PLCB1: variants seen among roughly 807,000 people sequenced by gnomAD.
PLCB1 encodes phospholipase C beta 1.
In PLCB1, 46 loss-of-function variants were observed where a neutral mutation model predicts 161.8. That is an observed-to-expected ratio of 0.28 (90% CI 0.22 to 0.36). The LOEUF (loss-of-function observed/expected upper bound fraction) is 0.36. Ranked by LOEUF, PLCB1 falls within the 10% of genes least tolerant of loss-of-function variation. The probability of loss-of-function intolerance (pLI) is 1.00; values close to 1 mark genes in which losing one functional copy is unlikely to be tolerated. For synonymous variants in PLCB1, 517 were observed against 503.7 expected, an observed-to-expected ratio of 1.03 and a Z score of -0.35; for missense variants, 1,016 against 1,472.5, an observed-to-expected ratio of 0.69 and a Z score of 5.07.
At chr20:8,458,910 C>T (rs1167764688) in intron 3 of PLCB1, among the ~76,000 whole-genome samples, 1 of 152,180 alleles carries the variant, frequency 6.6e-6, no homozygotes, top group Non-Finnish European at 1.5e-5. Flanking sequence ...ATGGTGTCTA[C>T]ACTTTGAAAT....
intron 3 of PLCB1, among the ~76,000 whole-genome samples, chr20:8,532,218 G>A (rs1363083018): frequency 2.0e-5 from 3 of 152,140 alleles, no homozygotes; most frequent in African/African-American, 7.2e-5. Flanking sequence ...TTTAAACTGG[G>A]AACGTATTAG....
intron 3 of PLCB1, among the ~76,000 whole-genome samples, chr20:8,449,297 A>T (rs1321807478): frequency 1.3e-5 from 2 of 152,202 alleles, no homozygotes; most frequent in Non-Finnish European, 2.9e-5. Context: ...AGCTGACACT[A>T]AACACTCTTG....
At chr20:8,205,754 A>G (rs1978493484) in intron 2 of PLCB1, among the ~76,000 whole-genome samples, 1 of 152,148 alleles carries the variant, frequency 6.6e-6, no homozygotes, top group African/African-American at 2.4e-5. Context: ...ATTTACAGGT[A>G]TAATTATATG....
chr20:8,664,685 G>A (rs1302460643), intron 9 of PLCB1, among the ~76,000 whole-genome samples: 1 of 152,124 alleles, frequency 6.6e-6, no homozygotes, highest in East Asian at 1.9e-4. Flanking sequence ...AAGTCAAGGT[G>A]TTAATGGTTT....
intron 3 of PLCB1, among the ~76,000 whole-genome samples, chr20:8,601,291 G>C (rs117623171): frequency 0.018 from 2,707 of 152,270 alleles, 225 homozygotes; most frequent in Admixed American, 0.15. Flanking sequence ...TGTCATGGGG[G>C]TTTGTTAATA....
chr20:8,645,318 A>AT (rs1297856123), intron 4 of PLCB1, among the ~76,000 whole-genome samples: 3 of 145,448 alleles, frequency 2.1e-5, no homozygotes, highest in Non-Finnish European at 4.5e-5. Context: ...AAAAAATAAA[A>AT]AAAATAAAGA....
chr20:8,373,488 A>T (rs921117361), intron 3 of PLCB1, among the ~76,000 whole-genome samples: 6 of 152,196 alleles, frequency 3.9e-5, no homozygotes, highest in Non-Finnish European at 5.9e-5. Context: ...TGCTCATGGA[A>T]TTACCTGGGA....
At chr20:8,627,389 T>C (rs930402140) in intron 3 of PLCB1, among the ~76,000 whole-genome samples, 1 of 151,370 alleles carries the variant, frequency 6.6e-6, no homozygotes, top group Non-Finnish European at 1.5e-5. Context: ...CAAAAAGAGG[T>C]CAGAATAGCC....
chr20:8,817,289 G>A (rs1985126722), intron 31 of PLCB1, among the ~76,000 whole-genome samples: 1 of 152,184 alleles, frequency 6.6e-6, no homozygotes, highest in Non-Finnish European at 1.5e-5. Context: ...CCAGAGAGGT[G>A]AGCAGAGCAT....
chr20:8,711,495 A>G (rs938193329), intron 12 of PLCB1, among the ~76,000 whole-genome samples: 2 of 152,172 alleles, frequency 1.3e-5, no homozygotes, highest in African/African-American at 2.4e-5. Context: ...AATAATTTCT[A>G]TGTGACAAAA....
chr20:8,351,596 A>C (rs940717308), intron 2 of PLCB1, among the ~76,000 whole-genome samples: 1 of 152,082 alleles, frequency 6.6e-6, no homozygotes, highest in Non-Finnish European at 1.5e-5. Context: ...CATTGTGATA[A>C]AAGAATAGTA....
At chr20:8,270,192 G>A (rs1221933267) in intron 2 of PLCB1, among the ~76,000 whole-genome samples, 1 of 152,150 alleles carries the variant, frequency 6.6e-6, no homozygotes, top group Non-Finnish European at 1.5e-5. Flanking sequence ...ACACACTTGT[G>A]CTAAGAGTAC....
chr20:8,677,239 C>A (rs1031396685), intron 9 of PLCB1, among the ~76,000 whole-genome samples: 2 of 151,888 alleles, frequency 1.3e-5, no homozygotes, highest in Non-Finnish European at 2.9e-5. Context: ...ACTAAAAATA[C>A]AAAATTAGCC....
chr20:8,195,111 T>C (rs2052007796), intron 2 of PLCB1, among the ~76,000 whole-genome samples: 1 of 152,034 alleles, frequency 6.6e-6, no homozygotes, highest in Non-Finnish European at 1.5e-5. Flanking sequence ...AGAAATAATA[T>C]TTTAAAACTA....
intron 3 of PLCB1, among the ~76,000 whole-genome samples, chr20:8,525,222 A>G (rs1169232951): frequency 6.7e-6 from 1 of 150,172 alleles, no homozygotes; most frequent in Admixed American, 6.7e-5. Context: ...ACATAAATTC[A>G]TTATAAAATA....
intron 2 of PLCB1, among the ~76,000 whole-genome samples, chr20:8,187,259 T>G (rs1162509204): frequency 1.3e-5 from 2 of 152,054 alleles, no homozygotes; most frequent in African/African-American, 4.8e-5. Flanking sequence ...CATGATGAAC[T>G]TATGATCCTT....
chr20:8,814,500 C>G (rs548772106), intron 31 of PLCB1, among the ~76,000 whole-genome samples: 16 of 151,926 alleles, frequency 1.1e-4, no homozygotes, highest in Non-Finnish European at 1.5e-4. Context: ...AAGTAGTGTT[C>G]CATCTATCCA....
At chr20:8,821,507 A>G (rs1985399959) in intron 31 of PLCB1, among the ~76,000 whole-genome samples, 2 of 7,538 alleles carry the variant, frequency 2.7e-4, no homozygotes, top group African/African-American at 8.0e-4. Context: ...ATATGTATAT[A>G]TATATATATA....
intron 2 of PLCB1, among the ~76,000 whole-genome samples, chr20:8,205,028 T>G (rs998606817): frequency 6.6e-6 from 1 of 152,188 alleles, no homozygotes. Flanking sequence ...GTTTTGAATT[T>G]AAACTGAATA....
Sources: gnomAD v4.1 joint callset for allele counts (sites outside exome capture counted in the v4.1 genomes callset) on GRCh38, gnomAD v4.1.1 for gene constraint, MANE v1.5 for transcripts, NCBI Gene and HGNC (gene_info 2026-07-23, HGNC 2026-07-21) for gene names.